The following ACSM5 variants were observed in gnomAD, a reference collection of about 807,000 sequenced individuals.
The protein encoded by ACSM5 is acyl-CoA synthetase medium chain family member 5.
A neutral mutation model predicts 71.6 loss-of-function variants in ACSM5; 56 were observed. The ratio of observed to expected loss-of-function variants is 0.78; its 90% CI spans 0.63 to 0.98. ACSM5 has a LOEUF of 0.98. Among genes scored for constraint, ACSM5 ranks in the 50% least tolerant of loss-of-function variants. The pLI, the probability that ACSM5 is intolerant of heterozygous loss-of-function variation, is 0.00. For missense variants in ACSM5, 723 were observed against 726.0 expected, an observed-to-expected ratio of 1.00 and a Z score of 0.05; for synonymous variants, 285 against 281.5, an observed-to-expected ratio of 1.01 and a Z score of -0.12.
rs760559792 is a variant in ACSM5, at chr16:20,430,954, T to C, written c.1126-39T>C. On this transcript the variant is annotated intron_variant, in intron 8 of 13. Coordinates refer to ENST00000331849, the MANE Select transcript of ACSM5 (RefSeq NM_017888.3). ...GGCATGGCCCAGGAAAGAAGCTAAG[T>C]GGAAAGGCTCTTCTTTATCTGTACT... The C allele has an allele frequency of 5.9e-6, 9 of 1,515,340 alleles. No homozygotes were observed. In the Middle Eastern group the frequency reaches 7.1e-4, roughly 119 times the overall value. The allele number at this position is 1,515,340 out of a possible 1,614,324, so 93.9% of individuals were successfully genotyped here.
chr16:20,438,095 T>G (rs1596626474), intron 12 of ACSM5, among the ~76,000 whole-genome samples: 2 of 152,052 alleles, frequency 1.3e-5, no homozygotes, highest in African/African-American at 4.8e-5. Flanking sequence ...CCCAAAGTGC[T>G]GGGATTACAG....
At chr16:20,417,572 T>C (rs1422094755) in intron 2 of ACSM5, among the ~76,000 whole-genome samples, 1 of 152,218 alleles carries the variant, frequency 6.6e-6, no homozygotes, top group Non-Finnish European at 1.5e-5. Context: ...AAGGGACAGC[T>C]AATTTGCACA....
At position 20,439,843 on chromosome 16, in the gene ACSM5, A is replaced by G; in HGVS notation, c.1580A>G (p.His527Arg). Residue 527 changes from histidine (H) to arginine (R), a missense_variant, in exon 13 of 14, where the codon CAT becomes CGT. Coordinates refer to ENST00000331849, the MANE Select transcript of ACSM5 (RefSeq NM_017888.3). ...FIVLTPAYSS[H>R]DPEALTRELQ... ...GTCCTTACTCCAGCCTACTCCTCTC[A>G]TGACCCAGAGGCACTAACGCGGGAA... The G allele has an allele frequency of 6.2e-7, 1 of 1,610,714 alleles. No individual in the cohort carries two copies. Among genetic ancestry groups the G allele is most frequent in the Non-Finnish European group, 8.5e-7 (1 of 1,177,304 alleles).
At chr16:20,423,552 GC>G (rs1966919936) in intron 5 of ACSM5, among the ~76,000 whole-genome samples, 1 of 152,198 alleles carries the variant, frequency 6.6e-6, no homozygotes, top group African/African-American at 2.4e-5. Flanking sequence ...GGCCCTCAAA[GC>G]AAGACTAATC....
chr16:20,413,502 T>A (rs1966851240), intron 2 of ACSM5, among the ~76,000 whole-genome samples: 1 of 152,232 alleles, frequency 6.6e-6, no homozygotes, highest in Admixed American at 6.5e-5. Flanking sequence ...GGGGTTTTTG[T>A]CCAAAACAAT....
In ACSM5 at chr16:20,431,951, A is replaced by ATAATAATAATAAT. The variant is rs1212880644; in HGVS notation, c.1308+630_1308+631insTAATAATAATAAT. 3.0e-3 allele frequency among the ~76,000 whole-genome samples: 425 copies of ATAATAATAATAAT among 141,480 alleles called. 18 individuals are homozygous for ATAATAATAATAAT. The highest frequency in any genetic ancestry group is 6.3e-3 in the Admixed American group (87 of 13,810). The allele number at this position is 141,480 out of a possible 152,430, so 92.8% of individuals were successfully genotyped here. Reference sequence around the variant, plus strand: ...GGGAACGAGACTCCGTATCAAAAAAAAAAAATAATAATAATAATAAAATAA... The same window carrying ATAATAATAATAAT: ...GGGAACGAGACTCCGTATCAAAAAAATAATAATAATAATAAAAATAATAATAATAATAAAATAA... On this transcript the variant is annotated intron_variant, in intron 10 of 13. Coordinates refer to ENST00000331849, the MANE Select transcript of ACSM5 (RefSeq NM_017888.3).
chr16:20,429,125 T>C (rs12928546), intron 7 of ACSM5, among the ~76,000 whole-genome samples: 7 of 152,048 alleles, frequency 4.6e-5, no homozygotes, highest in Non-Finnish European at 1.0e-4. Context: ...TTCCTCCCAC[T>C]TCAACATTCC....
chr16:20,421,666 C>CACACACAT (rs1567342567), intron 5 of ACSM5, among the ~76,000 whole-genome samples: 1 of 138,432 alleles, frequency 7.2e-6, no homozygotes, highest in African/African-American at 2.8e-5. Context: ...TACACACACA[C>CACACACAT]ATATATATAC....
At position 20,431,245 on chromosome 16, in the gene ACSM5, T is replaced by C. The variant is rs750955635; in HGVS notation, c.1232T>C (p.Leu411Pro). The part of the protein sequence containing the change: ...VQIVDDEGNV[L>P]PPGEEGNVAV... ...ATTGTGGATGATGAGGGCAACGTCC[T>C]GCCTCCTGGAGAAGAGGGGAATGTT... Residue 411 changes from leucine to proline, a missense_variant, in exon 10 of 14, where the codon CTG becomes CCG. Transcript: ENST00000331849. The C allele has an allele frequency of 2.5e-6, 4 of 1,614,046 alleles. No homozygotes were observed. In the African/African-American group the frequency reaches 4.0e-5, roughly 16 times the overall value.
chr16:20,416,922 AATGGCCAATAGACACATGAAAAG>A (rs1266055503), intron 2 of ACSM5, among the ~76,000 whole-genome samples: 1 of 151,976 alleles, frequency 6.6e-6, no homozygotes, highest in Non-Finnish European at 1.5e-5. Context: ...AATATAAACA[AATGGCCAATAGACACATGAAAAG>A]ATGCTTAACA....
chr16:20,434,621 G>T (rs1967159918), intron 10 of ACSM5, among the ~76,000 whole-genome samples: 1 of 152,190 alleles, frequency 6.6e-6, no homozygotes, highest in Non-Finnish European at 1.5e-5. Flanking sequence ...TTGAACCCGG[G>T]AGGCAGAGGT....
At position 20,427,806 on chromosome 16, in the gene ACSM5, A is replaced by G. The variant is rs200496913; in HGVS notation, c.940A>G (p.Ile314Val). The change falls in exon 7 of 14, where the codon ATA becomes GTA. Residue 314 changes from isoleucine to valine, a missense_variant. Ile to Val is a conservative substitution (Grantham distance 29, BLOSUM62 3). Transcript: ENST00000331849. ...TGTTTAGACTCTCTCCAAATTCCCGATAACCACCCTCTGCTGTGTCCCAAC... is the reference window on the plus strand; with the variant it reads ...TGTTTAGACTCTCTCCAAATTCCCGGTAACCACCCTCTGCTGTGTCCCAAC... The part of the protein sequence containing the change: ...VILNTLSKFP[I>V]TTLCCVPTIF... 6.2e-5 allele frequency: 100 copies of G among 1,613,754 alleles called. No homozygotes were observed. The highest frequency in any genetic ancestry group is 8.4e-5 in the Non-Finnish European group (99 of 1,179,802).
At chr16:20,417,069 A>G (rs1966858049) in intron 2 of ACSM5, among the ~76,000 whole-genome samples, 1 of 150,874 alleles carries the variant, frequency 6.6e-6, no homozygotes, top group African/African-American at 2.4e-5. Context: ...GAGATGATGC[A>G]GAGAATTAGA....
chr16:20,419,857 A>C (rs1429009654), intron 4 of ACSM5: 1 of 238,026 alleles, frequency 4.2e-6, no homozygotes, highest in Non-Finnish European at 8.3e-6. Context: ...TTTAATGAAC[A>C]TCTATTTCAC....
intron 6 of ACSM5, among the ~76,000 whole-genome samples, chr16:20,424,934 A>C (rs1450466296): frequency 3.9e-5 from 6 of 152,260 alleles, no homozygotes; most frequent in Admixed American, 1.3e-4. Context: ...GCAATGCGTG[A>C]AAATCACATC....
intron 10 of ACSM5, among the ~76,000 whole-genome samples, chr16:20,431,754 C>T (rs2141657533): frequency 6.6e-6 from 1 of 152,098 alleles, no homozygotes; most frequent in African/African-American, 2.4e-5. Flanking sequence ...AGTTCAACAC[C>T]AGCCTGGTCA....
Position 20,427,357 on chromosome 16 carries a change from A to G in ACSM5, c.922-431A>G, listed in dbSNP as rs1217903003. On this transcript the variant is annotated intron_variant, in intron 6 of 13. Coordinates refer to ENST00000331849, the MANE Select transcript of ACSM5 (RefSeq NM_017888.3). ...CACTGGTGGTTTTTAGTAGACTTCA[A>G]TTTCTCACTGGGTGTTTGCTAGTCT... Among the ~76,000 whole-genome samples, 7 of 152,106 alleles carry G rather than the reference A, an allele frequency of 4.6e-5. No individual in the cohort carries two copies. In the South Asian group the frequency reaches 1.0e-3, roughly 23 times the overall value.
intron 10 of ACSM5, among the ~76,000 whole-genome samples, chr16:20,434,009 T>C (rs1967148888): frequency 6.6e-6 from 1 of 152,076 alleles, no homozygotes; most frequent in Non-Finnish European, 1.5e-5. Flanking sequence ...TTGATATCGG[T>C]CCTTTGTTTG....
chr16:20,439,824 A>G lies in ACSM5; in HGVS notation c.1561A>G (p.Thr521Ala). 6.2e-7 allele frequency: 1 copy of G among 1,604,762 alleles called. No homozygotes were observed. Among genetic ancestry groups the G allele is most frequent in the Non-Finnish European group, 8.5e-7 (1 of 1,172,288 alleles). ...GEVVKAFIVL[T>A]PAYSSHDPEA... Reference sequence around the variant, plus strand: ...GGTGGTAAAGGCATTTATAGTCCTTACTCCAGCCTACTCCTCTCATGACCC... The same window carrying G: ...GGTGGTAAAGGCATTTATAGTCCTTGCTCCAGCCTACTCCTCTCATGACCC... Residue 521 changes from threonine to alanine, a missense_variant, in exon 13 of 14, where the codon ACT becomes GCT. Physicochemically the swap from Thr to Ala is moderately conservative, Grantham distance 58 (BLOSUM62 0). Transcript: ENST00000331849.
Sources: gnomAD v4.1 joint callset for allele counts (sites outside exome capture counted in the v4.1 genomes callset) on GRCh38, gnomAD v4.1.1 for gene constraint, MANE v1.5 for transcripts, NCBI Gene and HGNC (gene_info 2026-07-23, HGNC 2026-07-21) for gene names.